CYTH1: variants seen among roughly 807,000 people sequenced by gnomAD.
CYTH1 encodes the protein cytohesin-1.
A neutral mutation model predicts 61.8 loss-of-function variants in CYTH1; 18 were observed. The ratio of observed to expected loss-of-function variants is 0.29; its 90% CI spans 0.20 to 0.43. The LOEUF is 0.43. Ranked by LOEUF, CYTH1 falls within the 20% of genes least tolerant of loss-of-function variation. CYTH1 has a pLI of 1.00. For missense variants in CYTH1, 336 were observed against 510.5 expected (o/e 0.66, Z 3.29); for synonymous variants, 174 against 184.3 (o/e 0.94, Z 0.45).
intron 1 of CYTH1, among the ~76,000 whole-genome samples, chr17:78,720,319 TTTTA>T (rs1247674682): frequency 6.6e-6 from 1 of 152,146 alleles, no homozygotes; most frequent in African/African-American, 2.4e-5. Context: ...TGATTTGTTT[TTTTA>T]TTTGTTTGTT....
At chr17:78,685,764 G>T (rs567924534) in intron 11 of CYTH1, among the ~76,000 whole-genome samples, 1 of 152,168 alleles carries the variant, frequency 6.6e-6, no homozygotes, top group Non-Finnish European at 1.5e-5. Flanking sequence ...CATTTCACAT[G>T]TTTTCTTCAG....
intron 9 of CYTH1, 90 bp downstream of exon 9, chr17:78,698,161 ACGCACAAACACGCACACG>A: frequency 1.1e-6 from 1 of 905,240 alleles, no homozygotes. Flanking sequence ...ACACATGCAC[ACGCACAAACACGCACACG>A]CGCACACACG....
chr17:78,699,928 T>C (rs1310441320), intron 7 of CYTH1, among the ~76,000 whole-genome samples: 1 of 152,190 alleles, frequency 6.6e-6, no homozygotes. Context: ...TAGCCGGGAC[T>C]ACAGGCATAA....
chr17:78,735,838 C>T (rs8070990), intron 1 of CYTH1, among the ~76,000 whole-genome samples: 86,086 of 152,090 alleles, frequency 0.57, 24,416 homozygotes, highest in East Asian at 0.6. Flanking sequence ...CATTACAACA[C>T]CACCATCTGA....
chr17:78,699,745 T>G (rs541995611), intron 7 of CYTH1, among the ~76,000 whole-genome samples: 1 of 152,342 alleles, frequency 6.6e-6, no homozygotes, highest in African/African-American at 2.4e-5. Context: ...CTTAATATCA[T>G]TCTCCTATGT....
At chr17:78,742,422 C>T (rs1598901515) in intron 1 of CYTH1, among the ~76,000 whole-genome samples, 5 of 152,068 alleles carry the variant, frequency 3.3e-5, no homozygotes, top group Admixed American at 2.6e-4. Flanking sequence ...ATTAGCTGGG[C>T]GTGGTGGCAC....
chr17:78,702,369 T>A, intron 4 of CYTH1, 129 bp from the exon 5 acceptor site: 1 of 1,005,374 alleles, frequency 9.9e-7, no homozygotes, highest in Non-Finnish European at 1.5e-6. Context: ...AAGTGACCTA[T>A]AAAGCCGGGG....
chr17:78,713,795 T>C (rs955632511), intron 1 of CYTH1, among the ~76,000 whole-genome samples: 23 of 150,672 alleles, frequency 1.5e-4, no homozygotes, highest in African/African-American at 5.4e-4. Context: ...AAGACTGCTA[T>C]ATACCCTGAG....
chr17:78,777,477 C>A (rs2144778284), intron 1 of CYTH1, among the ~76,000 whole-genome samples: 1 of 152,038 alleles, frequency 6.6e-6, no homozygotes, highest in East Asian at 1.9e-4. Flanking sequence ...AAAGATATAT[C>A]CCACACAGGT....
At chr17:78,718,948 C>A (rs2093205584) in intron 1 of CYTH1, among the ~76,000 whole-genome samples, 1 of 152,228 alleles carries the variant, frequency 6.6e-6, no homozygotes, top group South Asian at 2.1e-4. Context: ...TGCTTGCCTA[C>A]TAGGTGGAAG....
At chr17:78,693,577 C>T (rs1279593897) in intron 10 of CYTH1, among the ~76,000 whole-genome samples, 2 of 149,998 alleles carry the variant, frequency 1.3e-5, no homozygotes, top group Non-Finnish European at 3.0e-5. Context: ...GCCAAGATTG[C>T]ACCACTGCAC....
intron 1 of CYTH1, 121 bp from the exon 2 acceptor site, chr17:78,709,853 G>C (rs1453379786): frequency 1.3e-6 from 1 of 791,048 alleles, no homozygotes; most frequent in Non-Finnish European, 2.0e-6. Flanking sequence ...TTTCAGAAAT[G>C]ACTGAGTGAT....
intron 10 of CYTH1, among the ~76,000 whole-genome samples, chr17:78,694,301 G>C (rs1052867955): frequency 1.3e-5 from 2 of 152,172 alleles, no homozygotes; most frequent in African/African-American, 4.8e-5. Context: ...AAGCAAGCAC[G>C]TGCCCTCCAC....
At chr17:78,767,402 A>G (rs1242555885) in intron 1 of CYTH1, among the ~76,000 whole-genome samples, 1 of 152,210 alleles carries the variant, frequency 6.6e-6, no homozygotes, top group Non-Finnish European at 1.5e-5. Context: ...TATTTCCACC[A>G]TAGCAAATTT....
chr17:78,773,367 C>T (rs926184751), intron 1 of CYTH1, among the ~76,000 whole-genome samples: 15 of 152,050 alleles, frequency 9.9e-5, no homozygotes, highest in African/African-American at 3.6e-4. Flanking sequence ...CGGTGGCTCA[C>T]GCCTGTAATC....
intron 11 of CYTH1, among the ~76,000 whole-genome samples, chr17:78,683,362 T>A (rs916925260): frequency 6.6e-6 from 1 of 152,200 alleles, no homozygotes; most frequent in African/African-American, 2.4e-5. Flanking sequence ...GACTCCTTGG[T>A]TGTCCCATTT....
intron 1 of CYTH1, among the ~76,000 whole-genome samples, chr17:78,732,778 A>C (rs2093301221): frequency 6.6e-6 from 1 of 152,144 alleles, no homozygotes. Context: ...TACCACAATC[A>C]CATGGCACGC....
At chr17:78,775,360 T>G (rs942160421) in intron 1 of CYTH1, among the ~76,000 whole-genome samples, 4 of 152,162 alleles carry the variant, frequency 2.6e-5, no homozygotes, top group Admixed American at 2.0e-4. Flanking sequence ...TTCCCTTATA[T>G]CCTTCCCTCA....
rs376465872 is a variant in CYTH1, at chr17:78,782,246, C to A, written c.-23G>T. On this transcript the variant is annotated 5_prime_UTR_variant, in exon 1 of 14. Transcript: ENST00000446868. ...CATGGTGCGGGAGCCGGGCTCCGCG[C>A]TCCGGCTCGCCGCTCGCGTCCCGCC... is the stretch of plus-strand genomic sequence containing the variant. 31 of 1,291,762 alleles carry A rather than the reference C, an allele frequency of 2.4e-5. No individual in the cohort carries two copies. The highest frequency in any genetic ancestry group is 9.2e-5 in the Admixed American group (3 of 32,530). 80.0% of individuals were successfully genotyped at this position (1,291,762 alleles called of 1,614,324 possible). A position where few individuals can be genotyped will look rare whatever the true frequency, so the allele number is the denominator to read the frequency against.
Sources: gnomAD v4.1 joint callset for allele counts (sites outside exome capture counted in the v4.1 genomes callset) on GRCh38, gnomAD v4.1.1 for gene constraint, MANE v1.5 for transcripts, NCBI Gene and HGNC (gene_info 2026-07-23, HGNC 2026-07-21) for gene names.